Variants in SGIP1 observed in about 807,000 individuals in gnomAD.
The protein encoded by SGIP1 is SH3GL interacting endocytic adaptor 1, also known as SH3-containing GRB2-like protein 3-interacting protein 1.
A neutral mutation model predicts 107.5 loss-of-function variants in SGIP1; 38 were observed. The observed-to-expected ratio is 0.35, with a 90% CI of 0.27 to 0.46. SGIP1 has a LOEUF of 0.46. Among genes scored for constraint, SGIP1 ranks in the 20% least tolerant of loss-of-function variants. SGIP1 has a pLI of 1.00. For missense variants in SGIP1, 929 were observed against 1,019.5 expected (o/e 0.91, Z 1.21); for synonymous variants, 365 against 366.1 (o/e 1.00, Z 0.03).
intron 2 of SGIP1, among the ~76,000 whole-genome samples, chr1:66,630,885 A>G (rs1476367550): frequency 1.8e-4 from 11 of 62,312 alleles, no homozygotes; most frequent in East Asian, 1.4e-3. Context: ...GAAAGAAAGA[A>G]AGAAAGAAAG....
intron 4 of SGIP1, among the ~76,000 whole-genome samples, chr1:66,638,016 T>C (rs1316392614): frequency 1.3e-5 from 2 of 151,882 alleles, no homozygotes; most frequent in Non-Finnish European, 2.9e-5. Flanking sequence ...TAATCTGTGG[T>C]TTTGGGTAAC....
intron 1 of SGIP1, among the ~76,000 whole-genome samples, chr1:66,554,480 G>A (rs1490939039): frequency 6.6e-6 from 1 of 152,046 alleles, no homozygotes; most frequent in South Asian, 2.1e-4. Flanking sequence ...AATCCAAAAT[G>A]CCTTAAAATG....
At chr1:66,646,183 C>T (rs560513610) in intron 7 of SGIP1, among the ~76,000 whole-genome samples, 1 of 152,236 alleles carries the variant, frequency 6.6e-6, no homozygotes, top group Non-Finnish European at 1.5e-5. Flanking sequence ...CACTTCCTCT[C>T]CAGAGCCAGA....
At chr1:66,688,218 C>A (rs1362432786) in intron 15 of SGIP1, among the ~76,000 whole-genome samples, 1 of 152,178 alleles carries the variant, frequency 6.6e-6, no homozygotes, top group Non-Finnish European at 1.5e-5. Flanking sequence ...TGACAAAAAC[C>A]TCAGGAGTAG....
chr1:66,596,114 T>C (rs749034561), intron 1 of SGIP1, among the ~76,000 whole-genome samples: 11 of 152,216 alleles, frequency 7.2e-5, no homozygotes, highest in Non-Finnish European at 1.3e-4. Context: ...GTGTATTGTA[T>C]TGATGCAGGA....
chr1:66,545,601 T>C (rs1170049168), intron 1 of SGIP1, among the ~76,000 whole-genome samples: 1 of 146,714 alleles, frequency 6.8e-6, no homozygotes, highest in African/African-American at 2.5e-5. Flanking sequence ...GCACTTGGAG[T>C]TCTCCAGAGA....
intron 1 of SGIP1, among the ~76,000 whole-genome samples, chr1:66,554,134 C>G (rs896550444): frequency 6.6e-6 from 1 of 152,112 alleles, no homozygotes; most frequent in Admixed American, 6.6e-5. Flanking sequence ...TAACACAGCT[C>G]CAAGAATTTT....
chr1:66,688,922 A>G (rs2089143378), intron 15 of SGIP1, among the ~76,000 whole-genome samples: 2 of 152,166 alleles, frequency 1.3e-5, no homozygotes, highest in East Asian at 1.9e-4. Flanking sequence ...TGGGTGTCAC[A>G]TGACAACAAA....
intron 1 of SGIP1, among the ~76,000 whole-genome samples, chr1:66,623,586 C>A (rs2071774017): frequency 6.6e-6 from 1 of 152,162 alleles, no homozygotes; most frequent in Non-Finnish European, 1.5e-5. Flanking sequence ...TTGATTAGGG[C>A]ATTTTTTTTC....
intron 4 of SGIP1, among the ~76,000 whole-genome samples, chr1:66,637,707 T>C (rs1251772290): frequency 6.6e-6 from 1 of 151,524 alleles, no homozygotes; most frequent in Non-Finnish European, 1.5e-5. Flanking sequence ...TAGATATATG[T>C]TGTCAGGAAG....
chr1:66,654,909 G>A (rs557589245), intron 7 of SGIP1, among the ~76,000 whole-genome samples: 1 of 152,220 alleles, frequency 6.6e-6, no homozygotes, highest in Non-Finnish European at 1.5e-5. Flanking sequence ...TGGCCTCAGT[G>A]TGTTTTGCCC....
intron 7 of SGIP1, among the ~76,000 whole-genome samples, chr1:66,656,885 A>C (rs528326282): frequency 6.6e-6 from 1 of 152,318 alleles, no homozygotes; most frequent in South Asian, 2.1e-4. Flanking sequence ...ATAAAGAATC[A>C]GATTGGGCAT....
At chr1:66,578,507 T>G (rs1286985948) in intron 1 of SGIP1, among the ~76,000 whole-genome samples, 1 of 152,168 alleles carries the variant, frequency 6.6e-6, no homozygotes, top group Non-Finnish European at 1.5e-5. Context: ...CCATCCCTCC[T>G]ACAAGGTAGG....
intron 8 of SGIP1, among the ~76,000 whole-genome samples, chr1:66,664,878 GA>G (rs1451741546): frequency 2.6e-5 from 4 of 152,182 alleles, no homozygotes; most frequent in Admixed American, 6.5e-5. Context: ...AGCTATTAGA[GA>G]TTGTTGGAAT....
Position 66,746,310 on chromosome 1 carries a change from C to T in SGIP1, c.*3215C>T, listed in dbSNP as rs1303662487. ...TTTTCTTAACAGCAGGGCTTTTTTT[C>T]TAATAAAATTGCACATGGAATCCTG... On this transcript the variant is annotated 3_prime_UTR_variant, in exon 25 of 25. Transcript: ENST00000371037. The T allele has an allele frequency of 6.6e-6, 1 of 152,018 alleles. No homozygotes were observed. Among genetic ancestry groups the T allele is most frequent in the African/African-American group, 2.4e-5 (1 of 41,410 alleles). The allele number at this position is 152,018 out of a possible 1,614,324, so 9.4% of individuals were successfully genotyped here.
At chr1:66,678,087 A>G (rs2085800184) in intron 13 of SGIP1, among the ~76,000 whole-genome samples, 1 of 152,236 alleles carries the variant, frequency 6.6e-6, no homozygotes, top group Non-Finnish European at 1.5e-5. Context: ...ATCATTATCA[A>G]CAATTTTTTA....
In SGIP1 at chr1:66,639,939, T is replaced by A. The variant is rs1045217261; in HGVS notation, c.228+106T>A. On this transcript the variant is annotated intron_variant, in intron 5 of 24. Transcript: ENST00000371037. ...AGAAATAAGCGAAATGCTCTCCATG[T>A]CATTAGGAAGTGTCTGGCATATTTA... is the stretch of plus-strand genomic sequence containing the variant. 4.6e-6 allele frequency: 4 copies of A among 871,330 alleles called. No homozygotes were observed. In the African/African-American group the frequency reaches 6.8e-5, roughly 15 times the overall value. The allele number at this position is 871,330 out of a possible 1,614,324, so 54.0% of individuals were successfully genotyped here.
intron 1 of SGIP1, among the ~76,000 whole-genome samples, chr1:66,603,041 A>G (rs181389203): frequency 5.7e-4 from 87 of 152,316 alleles, no homozygotes; most frequent in African/African-American, 1.8e-3. Context: ...ATTAGAAGAA[A>G]GATATAAGAA....
At chr1:66,556,333 G>A (rs1170075436) in intron 1 of SGIP1, among the ~76,000 whole-genome samples, 1 of 152,078 alleles carries the variant, frequency 6.6e-6, no homozygotes, top group Non-Finnish European at 1.5e-5. Flanking sequence ...ATGCCACAAG[G>A]CTAACGGCAG....
Sources: gnomAD v4.1 joint callset for allele counts (sites outside exome capture counted in the v4.1 genomes callset) on GRCh38, gnomAD v4.1.1 for gene constraint, MANE v1.5 for transcripts, NCBI Gene and HGNC (gene_info 2026-07-23, HGNC 2026-07-21) for gene names.